Variants in TBC1D22A observed in about 807,000 individuals in gnomAD.
TBC1D22A encodes TBC1 domain family member 22A.
TBC1D22A carries 38 observed loss-of-function variants against 60.2 expected under a neutral mutation model. The ratio of observed to expected loss-of-function variants is 0.63; its 90% CI spans 0.49 to 0.83. The LOEUF is 0.83. Ranked by LOEUF, TBC1D22A falls within the 40% of genes least tolerant of loss-of-function variation. TBC1D22A has a pLI of 0.00. For missense variants in TBC1D22A, 628 were observed against 701.0 expected, an observed-to-expected ratio of 0.90 and a Z score of 1.18; for synonymous variants, 302 against 281.7, an observed-to-expected ratio of 1.07 and a Z score of -0.72.
intron 11 of TBC1D22A, among the ~76,000 whole-genome samples, chr22:47,069,199 T>G (rs1486309962): frequency 1.3e-5 from 2 of 152,270 alleles, no homozygotes; most frequent in African/African-American, 4.8e-5. Flanking sequence ...GGAATTCATT[T>G]GACTCAATTT....
At chr22:46,766,629 G>A (rs898978192) in intron 1 of TBC1D22A, among the ~76,000 whole-genome samples, 9 of 152,068 alleles carry the variant, frequency 5.9e-5, no homozygotes, top group Admixed American at 2.6e-4. Context: ...ACTGCCTCCC[G>A]GGTTCAAGTG....
intron 12 of TBC1D22A, among the ~76,000 whole-genome samples, chr22:47,135,963 G>T (rs1488699089): frequency 6.6e-6 from 1 of 152,192 alleles, no homozygotes; most frequent in Non-Finnish European, 1.5e-5. Context: ...CTGTGGCCGA[G>T]TAGATGGGCC....
chr22:46,907,911 G>T (rs1450485460), intron 7 of TBC1D22A, among the ~76,000 whole-genome samples: 1 of 152,180 alleles, frequency 6.6e-6, no homozygotes, highest in African/African-American at 2.4e-5. Flanking sequence ...TTTGGGAGAC[G>T]GGGATTCCAG....
chr22:47,108,799 C>T (rs1021205719), intron 11 of TBC1D22A, among the ~76,000 whole-genome samples: 1 of 152,128 alleles, frequency 6.6e-6, no homozygotes, highest in Non-Finnish European at 1.5e-5. Flanking sequence ...AGGTTCATGC[C>T]ATTCTCCTGC....
At chr22:47,172,470 C>T (rs890552025) in intron 12 of TBC1D22A, among the ~76,000 whole-genome samples, 6 of 152,316 alleles carry the variant, frequency 3.9e-5, no homozygotes, top group East Asian at 3.9e-4. Flanking sequence ...CCACACTGAA[C>T]GACTTATAAT....
intron 11 of TBC1D22A, among the ~76,000 whole-genome samples, chr22:47,057,419 C>T (rs759424638): frequency 1.3e-5 from 2 of 152,206 alleles, no homozygotes; most frequent in Non-Finnish European, 2.9e-5. Flanking sequence ...GGCTCGAACC[C>T]AGATGGACAG....
intron 8 of TBC1D22A, among the ~76,000 whole-genome samples, chr22:46,933,902 CA>C (rs1418465826): frequency 6.6e-6 from 1 of 152,178 alleles, no homozygotes; most frequent in Non-Finnish European, 1.5e-5. Flanking sequence ...GGGGATGAGC[CA>C]GGCTGAGTTG....
chr22:46,980,900 A>G (rs1276020917), intron 9 of TBC1D22A, among the ~76,000 whole-genome samples: 1 of 152,276 alleles, frequency 6.6e-6, no homozygotes, highest in Admixed American at 6.5e-5. Flanking sequence ...AGAAAAAAGT[A>G]GAATAATGTG....
At chr22:47,078,082 T>G (rs1158926294) in intron 11 of TBC1D22A, among the ~76,000 whole-genome samples, 1 of 152,212 alleles carries the variant, frequency 6.6e-6, no homozygotes, top group African/African-American at 2.4e-5. Context: ...GTTCTGGATC[T>G]CCATGCCAGG....
rs1413426443 is a variant in TBC1D22A, at chr22:47,175,537, C to T, written c.*1911C>T. The stretch of plus-strand genomic sequence containing the variant: ...TTTAAACAGGAAGCTCCACGGAGTT[C>T]AGCCCTGTGTGCATTTCCTCATGTA... On this transcript the variant is annotated 3_prime_UTR_variant, in exon 13 of 13. Transcript: ENST00000337137. 1 of 152,208 alleles carries T rather than the reference C, an allele frequency of 6.6e-6. No individual in the cohort carries two copies. Among genetic ancestry groups the T allele is most frequent in the African/African-American group, 2.4e-5 (1 of 41,368 alleles). The allele number at this position is 152,208 out of a possible 1,614,324, so 9.4% of individuals were successfully genotyped here.
intron 4 of TBC1D22A, among the ~76,000 whole-genome samples, chr22:46,849,929 A>G (rs750875070): frequency 6.6e-6 from 1 of 152,150 alleles, no homozygotes; most frequent in Non-Finnish European, 1.5e-5. Flanking sequence ...GTTGGTTTAG[A>G]TGAACTTGGG....
At chr22:47,126,090 T>C (rs1172475911) in intron 12 of TBC1D22A, among the ~76,000 whole-genome samples, 1 of 152,192 alleles carries the variant, frequency 6.6e-6, no homozygotes, top group Non-Finnish European at 1.5e-5. Flanking sequence ...CAAGTGAGTC[T>C]TCCGTCTCAG....
At chr22:47,042,651 A>G (rs527506868) in intron 11 of TBC1D22A, among the ~76,000 whole-genome samples, 16 of 152,344 alleles carry the variant, frequency 1.1e-4, no homozygotes, top group African/African-American at 3.4e-4. Flanking sequence ...GGTCAGGGCC[A>G]GAGCCTCCAA....
At chr22:47,010,171 T>G (rs184171475) in intron 10 of TBC1D22A, among the ~76,000 whole-genome samples, 371 of 152,336 alleles carry the variant, frequency 2.4e-3, no homozygotes, top group Non-Finnish European at 4.3e-3. Flanking sequence ...AGGTTAAAAT[T>G]GACTTATTCT....
chr22:46,995,379 G>T (rs1333402136), intron 9 of TBC1D22A, among the ~76,000 whole-genome samples: 1 of 152,172 alleles, frequency 6.6e-6, no homozygotes, highest in Admixed American at 6.5e-5. Context: ...GGTCTGACTC[G>T]GCTCATTTTC....
chr22:47,161,137 A>G (rs1222477827), intron 12 of TBC1D22A, among the ~76,000 whole-genome samples: 2 of 152,246 alleles, frequency 1.3e-5, no homozygotes, highest in Non-Finnish European at 2.9e-5. Context: ...GAGCACTGCC[A>G]GGAGAAACCT....
chr22:47,126,781 T>A (rs565727798), intron 12 of TBC1D22A, among the ~76,000 whole-genome samples: 6 of 152,286 alleles, frequency 3.9e-5, no homozygotes, highest in Admixed American at 1.3e-4. Context: ...CTGCCTCTAC[T>A]GGGGGCACCC....
chr22:46,882,916 C>T (rs1452398151), intron 5 of TBC1D22A, among the ~76,000 whole-genome samples: 2 of 152,138 alleles, frequency 1.3e-5, no homozygotes, highest in East Asian at 3.9e-4. Context: ...GATGAGTGGG[C>T]AGTGCCACTT....
At chr22:47,165,234 TTGCCTG>T (rs1438431226) in intron 12 of TBC1D22A, among the ~76,000 whole-genome samples, 2 of 152,094 alleles carry the variant, frequency 1.3e-5, no homozygotes, top group African/African-American at 4.8e-5. Flanking sequence ...TGACTCGTGT[TTGCCTG>T]TCTCGCTCCA....
Sources: allele counts gnomAD v4.1 joint callset (sites outside exome capture counted in the v4.1 genomes callset), GRCh38; gene constraint gnomAD v4.1.1; transcripts MANE v1.5; gene names NCBI Gene and HGNC (gene_info 2026-07-23, HGNC 2026-07-21).